Variants in DARS2 observed in about 807,000 individuals in gnomAD.
DARS2 encodes aspartyl-tRNA synthetase 2, mitochondrial.
Under a neutral mutation model 83.0 loss-of-function variants are expected in DARS2, and 63 were observed. That is an observed-to-expected ratio of 0.76 (90% CI 0.62 to 0.94). The LOEUF is 0.94. Ranked by LOEUF, DARS2 falls within the 40% of genes least tolerant of loss-of-function variation. DARS2 has a pLI of 0.00. For missense variants in DARS2, 675 were observed against 774.4 expected, an observed-to-expected ratio of 0.87 and a Z score of 1.52; for synonymous variants, 250 against 269.3, an observed-to-expected ratio of 0.93 and a Z score of 0.70.
intron 13 of DARS2, among the ~76,000 whole-genome samples, chr1:173,852,868 C>G (rs1653725377): frequency 6.6e-6 from 1 of 152,176 alleles, no homozygotes; most frequent in Non-Finnish European, 1.5e-5. Context: ...TGAACATTAA[C>G]AGTGTGCCAG....
intron 8 of DARS2, among the ~76,000 whole-genome samples, chr1:173,837,695 A>G (rs925522885): frequency 2.0e-5 from 3 of 152,250 alleles, no homozygotes; most frequent in Non-Finnish European, 4.4e-5. Context: ...TTTTGAAAAC[A>G]ATATATAGAA....
At chr1:173,850,555 G>C in intron 13 of DARS2, 76 bp downstream of exon 13, 1 of 1,414,304 alleles carries the variant, frequency 7.1e-7, no homozygotes, top group South Asian at 1.2e-5. Flanking sequence ...TATAGTATAC[G>C]TTTGAACTGT....
chr1:173,857,216 GC>G (rs1173899024), intron 16 of DARS2, among the ~76,000 whole-genome samples: 1 of 152,134 alleles, frequency 6.6e-6, no homozygotes, highest in African/African-American at 2.4e-5. Context: ...GGAGTTCCCT[GC>G]CAAGCACCAA....
At chr1:173,825,931 A>G (rs1652520223) in intron 1 of DARS2, among the ~76,000 whole-genome samples, 1 of 151,090 alleles carries the variant, frequency 6.6e-6, no homozygotes. Flanking sequence ...CCTTAAAAAA[A>G]TCCTTCTTCG....
intron 15 of DARS2, among the ~76,000 whole-genome samples, chr1:173,854,356 C>A (rs938830746): frequency 6.6e-6 from 1 of 152,058 alleles, no homozygotes; most frequent in Non-Finnish European, 1.5e-5. Flanking sequence ...ATCTCTCTAC[C>A]TTTAATGTAG....
rs1170395649 is a variant in DARS2, at chr1:173,825,215, T to A, written c.-15T>A. 1 of 1,610,312 alleles carries A rather than the reference T, an allele frequency of 6.2e-7. No individual in the cohort carries two copies. ...GGGATTTCGTGATTGTTTTTCGCCA[T>A]CGTGTGGCTCCAACATGTACTTCCC... On this transcript the variant is annotated 5_prime_UTR_variant, in exon 1 of 17. Transcript: ENST00000649689.
chr1:173,853,938 T>G, intron 15 of DARS2, 33 bp downstream of exon 15: 1 of 1,541,220 alleles, frequency 6.5e-7, no homozygotes, highest in South Asian at 1.1e-5. Flanking sequence ...CTGGGCTTAT[T>G]TTTTTACCAG....
intron 12 of DARS2, 42 bp from the exon 13 acceptor site, chr1:173,850,285 A>C: frequency 1.6e-6 from 2 of 1,233,808 alleles, no homozygotes; most frequent in South Asian, 1.6e-5. Context: ...CCACTGTTCA[A>C]AAAAAAAAAA....
chr1:173,850,241 G>A (rs373895522), intron 12 of DARS2, 86 bp from the exon 13 acceptor site: 104 of 1,402,862 alleles, frequency 7.4e-5, no homozygotes, highest in Admixed American at 1.5e-4. Flanking sequence ...ATTGGGAACC[G>A]GAAATCTTTG....
intron 2 of DARS2, among the ~76,000 whole-genome samples, chr1:173,827,882 A>G (rs1022291438): frequency 5.3e-5 from 8 of 152,216 alleles, no homozygotes; most frequent in Admixed American, 3.3e-4. Flanking sequence ...AAAAGACTAT[A>G]TTGCTATATT....
In DARS2 at chr1:173,839,486, T is replaced by A; in HGVS notation, c.960T>A (p.Thr320=). The A allele has an allele frequency of 6.2e-7, 1 of 1,614,162 alleles. No individual in the cohort carries two copies. The highest frequency in any genetic ancestry group is 8.5e-7 in the Non-Finnish European group (1 of 1,180,020). Residue 320 remains threonine (T), a synonymous_variant, in exon 10 of 17, where the codon ACT becomes ACA. Coordinates refer to ENST00000649689, the MANE Select transcript of DARS2 (RefSeq NM_018122.5). Reference sequence around the variant, plus strand: ...TGGTTGTTCCTTTTCCTACTATGACTTTTGCTGAGGTGCTGGCCACCTATG... The same window carrying A: ...TGGTTGTTCCTTTTCCTACTATGACATTTGCTGAGGTGCTGGCCACCTATG... ...DPVVVPFPTM[T]FAEVLATYGT...
At chr1:173,827,472 A>G (rs1183220733) in intron 2 of DARS2, among the ~76,000 whole-genome samples, 1 of 152,182 alleles carries the variant, frequency 6.6e-6, no homozygotes, top group East Asian at 1.9e-4. Flanking sequence ...TACTAAAAAT[A>G]CAAAAAAAGT....
intron 13 of DARS2, chr1:173,852,377 T>C (rs1343924316): frequency 1.9e-6 from 1 of 528,488 alleles, no homozygotes; most frequent in Non-Finnish European, 2.4e-6. Context: ...ACTGTTGCTA[T>C]TTTAAAAATA....
intron 11 of DARS2, 81 bp downstream of exon 11, chr1:173,841,054 C>A: frequency 2.2e-6 from 2 of 897,330 alleles, no homozygotes; most frequent in Non-Finnish European, 3.8e-6. Flanking sequence ...ATTTAAACTT[C>A]AGAAAGAACA....
chr1:173,825,458 T>TATTATC lies in DARS2; in HGVS notation c.127+107_127+108insCATTAT. 4 of 236,692 alleles carry TATTATC rather than the reference T, an allele frequency of 1.7e-5. No homozygotes were observed. In the South Asian group the frequency reaches 3.3e-4, roughly 20 times the overall value. The allele number at this position is 236,692 out of a possible 1,614,324, so 14.7% of individuals were successfully genotyped here. A position where few individuals can be genotyped will look rare whatever the true frequency, so the allele number is the denominator to read the frequency against. ...TTTTCATTTTTTCCCCCATTATTAT[T>TATTATC]ATTATTATTATTATTATTATTATTA... On this transcript the variant is annotated intron_variant, in intron 1 of 16. Coordinates refer to ENST00000649689, the MANE Select transcript of DARS2 (RefSeq NM_018122.5).
chr1:173,850,283 C>CAAA (rs199872112), intron 12 of DARS2, 44 bp from the exon 13 acceptor site: 720 of 1,366,104 alleles, frequency 5.3e-4, no homozygotes, highest in Admixed American at 8.8e-4. Context: ...TCCCACTGTT[C>CAAA]AAAAAAAAAA....
chr1:173,840,670 T>C (rs1436031809), intron 10 of DARS2, among the ~76,000 whole-genome samples, 196 bp from the exon 11 acceptor site: 1 of 152,250 alleles, frequency 6.6e-6, no homozygotes, highest in African/African-American at 2.4e-5. Context: ...TAAAGAGTGC[T>C]AACCTCATAT....
chr1:173,838,050 G>C, intron 8 of DARS2, 140 bp from the exon 9 acceptor site: 1 of 712,980 alleles, frequency 1.4e-6, no homozygotes, highest in Non-Finnish European at 2.5e-6. Flanking sequence ...TGGGATTATA[G>C]GTATGAGCCG....
intron 10 of DARS2, among the ~76,000 whole-genome samples, chr1:173,840,553 A>C (rs1653166252): frequency 6.6e-6 from 1 of 152,160 alleles, no homozygotes. Flanking sequence ...TCTGGTTCTT[A>C]AGTCAGACTG....
Sources: allele counts gnomAD v4.1 joint callset (sites outside exome capture counted in the v4.1 genomes callset), GRCh38; gene constraint gnomAD v4.1.1; transcripts MANE v1.5; gene names NCBI Gene and HGNC (gene_info 2026-07-23, HGNC 2026-07-21).